The following TAB2 variants were observed in gnomAD, a reference collection of about 807,000 sequenced individuals.
TAB2 encodes TGF-beta-activated kinase 1 and MAP3K7-binding protein 2.
TAB2 carries 3 observed loss-of-function variants against 65.0 expected under a neutral mutation model. The ratio of observed to expected loss-of-function variants is 0.05; its 90% CI spans 0.02 to 0.12. TAB2 has a LOEUF of 0.12. Among genes scored for constraint, TAB2 ranks in the 10% least tolerant of loss-of-function variants. The pLI is 1.00. For missense variants in TAB2, 623 were observed against 840.3 expected (o/e 0.74, Z 3.20); for synonymous variants, 298 against 285.1 (o/e 1.05, Z -0.46).
intron 6 of TAB2, among the ~76,000 whole-genome samples, chr6:149,406,860 G>A (rs184925107): frequency 6.6e-6 from 1 of 152,200 alleles, no homozygotes; most frequent in Non-Finnish European, 1.5e-5. Flanking sequence ...ATGGATTACA[G>A]GCATGCGCCA....
intron 1 of TAB2, among the ~76,000 whole-genome samples, chr6:149,263,885 G>A (rs1778205519): frequency 6.6e-6 from 1 of 152,168 alleles, no homozygotes; most frequent in Non-Finnish European, 1.5e-5. Flanking sequence ...GCAGTTCTGG[G>A]GCACCAGATC....
intron 2 of TAB2, among the ~76,000 whole-genome samples, chr6:149,374,856 A>G (rs1781349518): frequency 1.3e-5 from 2 of 152,308 alleles, no homozygotes; most frequent in South Asian, 2.1e-4. Flanking sequence ...CTACTACACA[A>G]ATACCAAGTT....
intron 1 of TAB2, among the ~76,000 whole-genome samples, chr6:149,312,155 T>A (rs1222480175): frequency 6.6e-6 from 1 of 152,214 alleles, no homozygotes; most frequent in African/African-American, 2.4e-5. Flanking sequence ...CTGAAATAAA[T>A]TTTTTAATTG....
intron 1 of TAB2, among the ~76,000 whole-genome samples, chr6:149,260,526 C>T (rs1341846460): frequency 6.6e-6 from 1 of 152,090 alleles, no homozygotes. Context: ...TTAGGAAGCC[C>T]CATGGAGGAA....
At chr6:149,286,000 A>C (rs929372400) in intron 1 of TAB2, among the ~76,000 whole-genome samples, 9 of 152,178 alleles carry the variant, frequency 5.9e-5, no homozygotes, top group African/African-American at 2.2e-4. Context: ...TTTTACTTTT[A>C]TTTCCAGGGA....
intron 3 of TAB2, among the ~76,000 whole-genome samples, chr6:149,380,387 A>G (rs1781568360): frequency 6.6e-6 from 1 of 152,174 alleles, no homozygotes; most frequent in Non-Finnish European, 1.5e-5. Context: ...ATTCTCCCTT[A>G]AATGTTGGTT....
intron 1 of TAB2, among the ~76,000 whole-genome samples, chr6:149,326,072 A>G (rs1401645706): frequency 2.0e-5 from 3 of 152,186 alleles, no homozygotes; most frequent in African/African-American, 7.2e-5. Context: ...CAATGGTTTT[A>G]TATTTTGTTA....
chr6:149,224,030 C>G (rs1393379243), intron 1 of TAB2, among the ~76,000 whole-genome samples: 2 of 152,184 alleles, frequency 1.3e-5, no homozygotes, highest in Non-Finnish European at 2.9e-5. Context: ...CTGGCCAAAA[C>G]TTCATCTTTT....
chr6:149,394,453 A>G (rs891226425), intron 3 of TAB2, among the ~76,000 whole-genome samples: 5 of 152,096 alleles, frequency 3.3e-5, no homozygotes, highest in African/African-American at 1.2e-4. Flanking sequence ...TTATCTCTTG[A>G]TGATGAATTA....
intron 1 of TAB2, among the ~76,000 whole-genome samples, chr6:149,339,238 C>T (rs1039395948): frequency 6.6e-6 from 1 of 152,116 alleles, no homozygotes; most frequent in African/African-American, 2.4e-5. Context: ...TGGCACGCGC[C>T]TGTAGTCCCA....
At chr6:149,405,306 C>T (rs1450060318) in intron 6 of TAB2, among the ~76,000 whole-genome samples, 1 of 152,200 alleles carries the variant, frequency 6.6e-6, no homozygotes, top group Non-Finnish European at 1.5e-5. Flanking sequence ...AACGCTTGTA[C>T]ACTTTCATGG....
chr6:149,310,840 A>G (rs895656636), intron 1 of TAB2, among the ~76,000 whole-genome samples: 2 of 152,214 alleles, frequency 1.3e-5, no homozygotes, highest in African/African-American at 4.8e-5. Context: ...TCAAAATCAC[A>G]TAGTCTTCTT....
At chr6:149,255,535 T>G (rs949064448) in intron 1 of TAB2, 2 of 152,184 alleles carry the variant, frequency 1.3e-5, no homozygotes, top group Non-Finnish European at 2.9e-5. Flanking sequence ...ATTTGCTGCT[T>G]CTTTGTATTT....
Position 149,410,597 on chromosome 6 carries a change from C to A in TAB2, c.*878C>A, listed in dbSNP as rs1782820028. On this transcript the variant is annotated 3_prime_UTR_variant, in exon 7 of 7. Transcript: ENST00000637181. ...TTCCTCTACTTATTCTGTACTTTGC[C>A]CTCATGAGTTCCAATGTTGTGTGAA... 6.6e-6 allele frequency: 1 copy of A among 152,516 alleles called. No homozygotes were observed. Among genetic ancestry groups the A allele is most frequent in the South Asian group, 2.1e-4 (1 of 4,818 alleles). 9.4% of individuals were successfully genotyped at this position (152,516 alleles called of 1,614,324 possible). A position where few individuals can be genotyped will look rare whatever the true frequency, so the allele number is the denominator to read the frequency against.
chr6:149,246,209 G>C (rs895606438), intron 1 of TAB2: 2 of 152,288 alleles, frequency 1.3e-5, no homozygotes, highest in African/African-American at 4.8e-5. Flanking sequence ...GAGCCACCAC[G>C]CCCGGCCGGT....
intron 3 of TAB2, among the ~76,000 whole-genome samples, chr6:149,384,089 A>G (rs1042036625): frequency 6.6e-6 from 1 of 152,190 alleles, no homozygotes; most frequent in African/African-American, 2.4e-5. Flanking sequence ...AAGAAAAGAA[A>G]TATCTCGGTC....
intron 1 of TAB2, among the ~76,000 whole-genome samples, chr6:149,279,977 C>CA (rs1447201043): frequency 6.6e-6 from 1 of 152,196 alleles, no homozygotes; most frequent in Non-Finnish European, 1.5e-5. Flanking sequence ...GCCACACATC[C>CA]AGTCAGCAGT....
rs181165721 is a variant in TAB2 at position 149,249,638 on chromosome 6, A to G, written c.-121+30862A>G. Among the ~76,000 whole-genome samples the G allele has an allele frequency of 2.3e-3, 342 of 147,934 alleles. 6 individuals carry two copies. In the East Asian group the frequency reaches 0.061, roughly 27 times the overall value. ...TGTCTCTGTCTGTGTGTGTCTCTCC[A>G]TCTGTGTGTGTGTGTCTGTCTGTCT... On this transcript the variant is annotated intron_variant, in intron 1 of 1. Coordinates refer to the TAB2 transcript ENST00000606202.
At chr6:149,225,089 G>C (rs1777240431) in intron 1 of TAB2, among the ~76,000 whole-genome samples, 1 of 152,202 alleles carries the variant, frequency 6.6e-6, no homozygotes, top group South Asian at 2.1e-4. Flanking sequence ...ACTGCAATTT[G>C]CTACAGACAT....
Sources: allele counts gnomAD v4.1 joint callset (sites outside exome capture counted in the v4.1 genomes callset), GRCh38; gene constraint gnomAD v4.1.1; transcripts MANE v1.5; gene names NCBI Gene and HGNC (gene_info 2026-07-23, HGNC 2026-07-21).